ACTR2: variants seen among roughly 807,000 people sequenced by gnomAD.
ACTR2 encodes the protein actin related protein 2.
A neutral mutation model predicts 50.2 loss-of-function variants in ACTR2; 5 were observed. The ratio of observed to expected loss-of-function variants is 0.10; its 90% CI spans 0.05 to 0.21. The LOEUF (loss-of-function observed/expected upper bound fraction) is 0.21, where lower values mean the gene tolerates loss of function less well. Among genes scored for constraint, ACTR2 ranks in the 10% least tolerant of loss-of-function variants. The pLI, the probability that ACTR2 is intolerant of heterozygous loss-of-function variation, is 1.00. For synonymous variants in ACTR2, 140 were observed against 162.9 expected (o/e 0.86, Z 1.07); for missense variants, 180 against 480.6 (o/e 0.37, Z 5.85).
intron 7 of ACTR2, among the ~76,000 whole-genome samples, chr2:65,263,400 A>G (rs1285640085): frequency 1.3e-5 from 2 of 152,054 alleles, no homozygotes; most frequent in Admixed American, 1.3e-4. Flanking sequence ...TTAGTCATAT[A>G]AAAAGATTTA....
At chr2:65,240,227 C>T (rs372496588) in intron 2 of ACTR2, among the ~76,000 whole-genome samples, 130 of 152,112 alleles carry the variant, frequency 8.5e-4, no homozygotes, top group African/African-American at 2.9e-3. Flanking sequence ...TAATGTGAAA[C>T]GCTGTGTTAG....
chr2:65,242,218 T>C (rs1431715172), intron 2 of ACTR2, among the ~76,000 whole-genome samples: 2 of 152,194 alleles, frequency 1.3e-5, no homozygotes, highest in Non-Finnish European at 2.9e-5. Flanking sequence ...ATTGCTTCAA[T>C]TTGATAGCAA....
rs574357298 is a variant in ACTR2, at chr2:65,235,393, A to C, written c.49-4459A>C. ...AGTTCATCACTATCAACCACTGCCA[A>C]GGGGAAATAGCTGTGAGCAAGTGGG... On this transcript the variant is annotated intron_variant, in intron 1 of 8. Transcript: ENST00000260641. 9.2e-5 allele frequency among the ~76,000 whole-genome samples: 14 copies of C among 152,306 alleles called. No homozygotes were observed. The East Asian group carries it at 2.7e-3, about 29-fold the overall frequency.
chr2:65,234,347 C>A (rs1013535027), intron 1 of ACTR2, among the ~76,000 whole-genome samples: 56 of 152,328 alleles, frequency 3.7e-4, no homozygotes, highest in African/African-American at 1.3e-3. Context: ...ATGGCAACAT[C>A]TGCTTCCAAT....
At chr2:65,238,303 A>G (rs1671776133) in intron 1 of ACTR2, among the ~76,000 whole-genome samples, 1 of 152,236 alleles carries the variant, frequency 6.6e-6, no homozygotes, top group Non-Finnish European at 1.5e-5. Context: ...ATGTTCTCGG[A>G]GCAGTACACA....
chr2:65,263,874 T>A (rs1672324309), intron 7 of ACTR2, among the ~76,000 whole-genome samples: 1 of 151,974 alleles, frequency 6.6e-6, no homozygotes, highest in Non-Finnish European at 1.5e-5. Flanking sequence ...GCCAAAATGG[T>A]GAAACCCCGT....
At chr2:65,240,448 A>G (rs1671819207) in intron 2 of ACTR2, among the ~76,000 whole-genome samples, 1 of 152,032 alleles carries the variant, frequency 6.6e-6, no homozygotes, top group Non-Finnish European at 1.5e-5. Context: ...TCCTCTTTTC[A>G]TTAATATAAC....
At chr2:65,246,461 A>T in intron 2 of ACTR2, 63 bp from the exon 3 acceptor site, 2 of 1,130,308 alleles carry the variant, frequency 1.8e-6, no homozygotes, top group South Asian at 1.6e-5. Flanking sequence ...AAAATTAATT[A>T]TTCCCAAGTT....
intron 1 of ACTR2, among the ~76,000 whole-genome samples, chr2:65,228,715 CT>C (rs1476203734): frequency 6.6e-6 from 1 of 152,110 alleles, no homozygotes; most frequent in South Asian, 2.1e-4. Flanking sequence ...CCCCAGCCCC[CT>C]TTTTTCCCTT....
intron 6 of ACTR2, among the ~76,000 whole-genome samples, chr2:65,260,557 T>G (rs1672249226): frequency 6.6e-6 from 1 of 152,174 alleles, no homozygotes; most frequent in Non-Finnish European, 1.5e-5. Flanking sequence ...AGCAGAAATA[T>G]CCATAAAATC....
At chr2:65,251,002 T>G in intron 3 of ACTR2, 25 bp from the exon 4 acceptor site, 1 of 1,547,118 alleles carries the variant, frequency 6.5e-7, no homozygotes, top group Non-Finnish European at 8.8e-7. Flanking sequence ...AATACCAGTT[T>G]TTTTCTTTCT....
At position 65,265,193 on chromosome 2, in the gene ACTR2, A is replaced by T. The variant is rs372808080; in HGVS notation, c.1014+18A>T. ...AACTTTCTGTAAGTATTAGTAAATC[A>T]ACTATTACTAACATTCTTTTAAAAG... is the stretch of plus-strand genomic sequence containing the variant. On this transcript the variant is annotated intron_variant, in intron 8 of 8. Transcript: ENST00000260641. 5.6e-6 allele frequency: 9 copies of T among 1,612,790 alleles called. No homozygotes were observed. The highest frequency in any genetic ancestry group is 7.6e-6 in the Non-Finnish European group (9 of 1,178,736).
At chr2:65,228,164 C>A (rs1461036940) in intron 1 of ACTR2, 2 of 439,830 alleles carry the variant, frequency 4.5e-6, no homozygotes, top group Non-Finnish European at 3.9e-6. Flanking sequence ...CCTGCCACCC[C>A]CTCACCCTTC....
chr2:65,261,360 T>C lies in ACTR2; in HGVS notation c.849T>C (p.Phe283=), dbSNP rs887344541. The C allele has an allele frequency of 6.2e-6, 10 of 1,613,874 alleles. No homozygotes were observed. The highest frequency in any genetic ancestry group is 8.5e-6 in the Non-Finnish European group (10 of 1,179,858). Residue 283 remains phenylalanine, a synonymous_variant, in exon 7 of 9, where the codon TTT becomes TTC. Coordinates refer to ENST00000260641, the MANE Select transcript of ACTR2 (RefSeq NM_005722.4). ...VEGVGVAELL[F]NTIQAADIDT... is the part of the protein sequence containing the mutation. The stretch of plus-strand genomic sequence containing the variant: ...GAGTTGGTGTTGCTGAATTGCTTTT[T>C]AACACAATTCAGGCAGCTGACATTG...
chr2:65,239,951 A>T lies in ACTR2; in HGVS notation c.148A>T (p.Ile50Phe), dbSNP rs1671810434. ...CAGATCAACCACCAAAGTGGGAAAC[A>T]TTGAAATCAAGGTAATATTTTATTT... The part of the protein sequence containing the change: ...IIRSTTKVGN[I>F]EIKDLMVGDE... Residue 50 changes from isoleucine to phenylalanine, a missense_variant, in exon 2 of 9, where the codon ATT becomes TTT. Coordinates refer to ENST00000260641, the MANE Select transcript of ACTR2 (RefSeq NM_005722.4). 6.3e-7 allele frequency: 1 copy of T among 1,590,708 alleles called. No homozygotes were observed. Among genetic ancestry groups the T allele is most frequent in the Non-Finnish European group, 8.6e-7 (1 of 1,159,120 alleles).
intron 2 of ACTR2, 43 bp from the exon 3 acceptor site, chr2:65,246,481 A>G (rs764471325): frequency 1.5e-6 from 2 of 1,352,604 alleles, no homozygotes; most frequent in South Asian, 1.4e-5. Context: ...TTTCTTAAAT[A>G]TTATGCAAAA....
intron 2 of ACTR2, 91 bp from the exon 3 acceptor site, chr2:65,246,433 G>C (rs1671941360): frequency 3.5e-6 from 3 of 856,932 alleles, no homozygotes; most frequent in Non-Finnish European, 5.3e-6. Context: ...GATTTATTTT[G>C]CAAGTGTCAG....
In ACTR2 at chr2:65,248,821, C is replaced by G. The variant is rs562917942; in HGVS notation, c.375+2082C>G. 2.6e-5 allele frequency among the ~76,000 whole-genome samples: 4 copies of G among 152,224 alleles called. 1 individual carries two copies. Among genetic ancestry groups the G allele is most frequent in the Admixed American group, 2.6e-4 (4 of 15,276 alleles). ...TTGAGACTAGGAATTTGAGACCAGC[C>G]TGGCCAACATGGCAAAACTCCGTCT... is the stretch of plus-strand genomic sequence containing the variant. On this transcript the variant is annotated intron_variant, in intron 3 of 8. Coordinates refer to ENST00000260641, the MANE Select transcript of ACTR2 (RefSeq NM_005722.4).
chr2:65,228,003 G>A (rs1421491229), intron 1 of ACTR2, 46 bp downstream of exon 1: 2 of 1,473,118 alleles, frequency 1.4e-6, no homozygotes, highest in Non-Finnish European at 1.8e-6. Context: ...ACGCCGGCGG[G>A]GACGAGCAGC....
Sources: allele counts gnomAD v4.1 joint callset (sites outside exome capture counted in the v4.1 genomes callset), GRCh38; gene constraint gnomAD v4.1.1; transcripts MANE v1.5; gene names NCBI Gene and HGNC (gene_info 2026-07-23, HGNC 2026-07-21).